The following CWC22 variants were observed in gnomAD, a reference collection of about 807,000 sequenced individuals.
CWC22 encodes the protein pre-mRNA-splicing factor CWC22 homolog.
A neutral mutation model predicts 117.2 loss-of-function variants in CWC22; 53 were observed. The observed-to-expected ratio is 0.45, with a 90% CI of 0.36 to 0.57. CWC22 has a LOEUF of 0.57. Among genes scored for constraint, CWC22 ranks in the 20% least tolerant of loss-of-function variants. The pLI, the probability that CWC22 is intolerant of heterozygous loss-of-function variation, is 0.00. For missense variants in CWC22, 980 were observed against 1,068.8 expected, an observed-to-expected ratio of 0.92 and a Z score of 1.16; for synonymous variants, 360 against 355.6, an observed-to-expected ratio of 1.01 and a Z score of -0.14.
At chr2:179,953,455 A>G (rs554558395) in intron 16 of CWC22, among the ~76,000 whole-genome samples, 1 of 151,976 alleles carries the variant, frequency 6.6e-6, no homozygotes, top group East Asian at 1.9e-4. Flanking sequence ...AGAATCTAAG[A>G]CTTTTTATTT....
chr2:179,981,594 C>T (rs971612668), intron 5 of CWC22, among the ~76,000 whole-genome samples, 158 bp downstream of exon 5: 4 of 152,182 alleles, frequency 2.6e-5, no homozygotes, highest in Non-Finnish European at 4.4e-5. Context: ...TAGTGTGTGG[C>T]TCTCCAATGG....
chr2:179,997,435 G>A (rs554392034), intron 1 of CWC22, among the ~76,000 whole-genome samples: 1 of 152,142 alleles, frequency 6.6e-6, no homozygotes, highest in Admixed American at 6.5e-5. Context: ...GAGCCCTGTA[G>A]GGATAACCCT....
chr2:179,995,105 G>A (rs1306308328), intron 1 of CWC22, among the ~76,000 whole-genome samples: 3 of 152,166 alleles, frequency 2.0e-5, no homozygotes, highest in Non-Finnish European at 4.4e-5. Flanking sequence ...GCAACAGAGT[G>A]AGACTTCGTC....
intron 4 of CWC22, among the ~76,000 whole-genome samples, chr2:179,983,544 T>C (rs1687337611): frequency 6.6e-6 from 1 of 152,194 alleles, no homozygotes; most frequent in East Asian, 1.9e-4. Context: ...TCTATGGCTT[T>C]GCTATTGTCA....
At position 179,950,844 on chromosome 2, in the gene CWC22, T is replaced by C. The variant is rs746090978; in HGVS notation, c.1900A>G (p.Ile634Val). ...TRFAINFFTS[I>V]GLGGLTDELR... is the part of the protein sequence containing the mutation. ...CCTTACGTTAAACCTCCAAGACCTATAGAAGTAAAGAAGTTGATGGCAAAC... is the reference window on the plus strand; with the variant it reads ...CCTTACGTTAAACCTCCAAGACCTACAGAAGTAAAGAAGTTGATGGCAAAC... Residue 634 changes from isoleucine to valine, a missense_variant, in exon 18 of 20, where the codon ATA (isoleucine) becomes GTA (valine). By Grantham distance (29) the Ile-to-Val change is conservative. Around this residue, in one of 3 missense-constraint regions of CWC22, gnomAD observed 115 missense variants for 169.8 expected, o/e 0.68. Coordinates refer to ENST00000410053, the MANE Select transcript of CWC22 (RefSeq NM_020943.3). 5 of 1,601,008 alleles carry C rather than the reference T, an allele frequency of 3.1e-6. No individual in the cohort carries two copies. The highest frequency in any genetic ancestry group is 1.6e-4 in the Middle Eastern group (1 of 6,066).
chr2:179,973,652 G>T lies in CWC22; in HGVS notation c.732C>A (p.Gly244=). ...LKRLILNFRK[G]YRRNDKQLCL... is the part of the protein sequence containing the mutation. ...TATATACCTTGTCATTTCTTCGATA[G>T]CCTTTTCGAAAATTAAGAATTAACC... Residue 244 remains glycine, a synonymous_variant, in exon 7 of 20, where the codon GGC becomes GGA. Coordinates refer to ENST00000410053, the MANE Select transcript of CWC22 (RefSeq NM_020943.3). 6.2e-7 allele frequency: 1 copy of T among 1,602,846 alleles called. No homozygotes were observed. Among genetic ancestry groups the T allele is most frequent in the Non-Finnish European group, 8.5e-7 (1 of 1,172,796 alleles).
At chr2:179,981,671 A>G in intron 5 of CWC22, 81 bp downstream of exon 5, 1 of 1,194,140 alleles carries the variant, frequency 8.4e-7, no homozygotes, top group Non-Finnish European at 1.2e-6. Context: ...AATTCTCAAG[A>G]ACCAGGGTTA....
At position 179,950,893 on chromosome 2, in the gene CWC22, G is replaced by C; in HGVS notation, c.1851C>G (p.Pro617=). ...ACCGAGTGTTTCTTGGATTATCTCG[G>C]GGTAATAATCCTTCAAAGAATGGCT... ...TLQPFFEGLL[P]RDNPRNTRFA... is the part of the protein sequence containing the mutation. The change falls in exon 18 of 20, where the codon CCC becomes CCG. Residue 617 remains proline (P), a synonymous_variant. Coordinates refer to ENST00000410053, the MANE Select transcript of CWC22 (RefSeq NM_020943.3). 1 of 1,581,412 alleles carries C rather than the reference G, an allele frequency of 6.3e-7. No individual in the cohort carries two copies. Among genetic ancestry groups the C allele is most frequent in the Non-Finnish European group, 8.6e-7 (1 of 1,162,270 alleles).
At position 179,998,848 on chromosome 2, in the gene CWC22, T is replaced by G. The variant is rs919625618; in HGVS notation, c.-113-5394A>C. On this transcript the variant is annotated intron_variant, in intron 1 of 19. Transcript: ENST00000410053. ...ACCCCATTGCACAAGATTTAGCGTT[T>G]TCCTTTGCTACTCTCCTGGAGTCTT... Among the ~76,000 whole-genome samples, 2 of 152,136 alleles carry G rather than the reference T, an allele frequency of 1.3e-5. 1 individual carries two copies. Among genetic ancestry groups the G allele is most frequent in the South Asian group, 4.1e-4 (2 of 4,834 alleles).
chr2:179,957,613 G>A (rs952057518), intron 14 of CWC22, among the ~76,000 whole-genome samples: 19 of 152,096 alleles, frequency 1.2e-4, no homozygotes, highest in African/African-American at 4.3e-4. Flanking sequence ...TAAAGGCTTT[G>A]GACAAAGAAT....
intron 19 of CWC22, among the ~76,000 whole-genome samples, chr2:179,948,912 C>T (rs1043240026): frequency 2.0e-5 from 3 of 152,146 alleles, no homozygotes; most frequent in Non-Finnish European, 4.4e-5. Flanking sequence ...TGCTAATTTC[C>T]TAGTTTGATA....
At chr2:179,963,593 C>T (rs1463596058) in intron 13 of CWC22, among the ~76,000 whole-genome samples, 3 of 151,784 alleles carry the variant, frequency 2.0e-5, no homozygotes, top group Admixed American at 6.6e-5. Flanking sequence ...CCGCCCGCCT[C>T]GGCCTCCCAA....
rs115820332 is a variant in CWC22 at position 179,971,474 on chromosome 2, C to T, written c.805-398G>A. Reference sequence around the variant, plus strand: ...AGAAATAGTAATATGATTTATAATACCCTTCTCCATGATCACAATTCTTTA... The same window carrying T: ...AGAAATAGTAATATGATTTATAATATCCTTCTCCATGATCACAATTCTTTA... On this transcript the variant is annotated intron_variant, in intron 8 of 19. Coordinates refer to ENST00000410053, the MANE Select transcript of CWC22 (RefSeq NM_020943.3). Among the ~76,000 whole-genome samples the T allele has an allele frequency of 7.4e-3, 1,131 of 152,080 alleles. 15 individuals carry two copies. Among genetic ancestry groups the T allele is most frequent in the African/African-American group, 0.026 (1,072 of 41,492 alleles).
At chr2:179,953,857 C>T (rs968428286) in intron 16 of CWC22, among the ~76,000 whole-genome samples, 3 of 152,060 alleles carry the variant, frequency 2.0e-5, no homozygotes, top group Non-Finnish European at 2.9e-5. Flanking sequence ...TTCAGAGACA[C>T]ATTTACCACC....
chr2:179,983,042 G>A (rs989756014), intron 4 of CWC22, among the ~76,000 whole-genome samples: 2 of 152,214 alleles, frequency 1.3e-5, no homozygotes, highest in Admixed American at 6.5e-5. Flanking sequence ...AAACCTACAC[G>A]GAGATTGAAA....
intron 6 of CWC22, among the ~76,000 whole-genome samples, chr2:179,976,011 A>T (rs1173815384): frequency 2.0e-5 from 3 of 152,244 alleles, no homozygotes; most frequent in African/African-American, 4.8e-5. Flanking sequence ...AATCTGCTAC[A>T]AAGTTATAGT....
chr2:179,981,655 A>G, intron 5 of CWC22, 97 bp downstream of exon 5: 9 of 977,770 alleles, frequency 9.2e-6, no homozygotes, highest in Non-Finnish European at 1.1e-5. Flanking sequence ...ACTATAGACT[A>G]ACGTAAATTC....
intron 1 of CWC22, among the ~76,000 whole-genome samples, chr2:179,996,958 G>GA (rs1206320147): frequency 6.6e-6 from 1 of 151,948 alleles, no homozygotes; most frequent in Non-Finnish European, 1.5e-5. Flanking sequence ...ATCACCAGCA[G>GA]ACCTGCACTA....
chr2:179,999,220 A>T (rs919683460), intron 1 of CWC22, among the ~76,000 whole-genome samples: 6 of 152,154 alleles, frequency 3.9e-5, no homozygotes, highest in Non-Finnish European at 8.8e-5. Flanking sequence ...ATGCATGCTA[A>T]TACTTACACT....
Sources: allele counts gnomAD v4.1 joint callset (sites outside exome capture counted in the v4.1 genomes callset), GRCh38; gene constraint gnomAD v4.1.1; regional missense constraint gnomAD v4.1.1; transcripts MANE v1.5; gene names NCBI Gene and HGNC (gene_info 2026-07-23, HGNC 2026-07-21).